The following PARD3 variants were observed in gnomAD, a reference collection of about 807,000 sequenced individuals.
The protein encoded by PARD3 is partitioning defective 3 homolog.
In PARD3, 75 loss-of-function variants were observed where a neutral mutation model predicts 155.4. That is an observed-to-expected ratio of 0.48 (90% CI 0.40 to 0.58). The LOEUF (loss-of-function observed/expected upper bound fraction) is 0.58. PARD3 is among the 20% of genes least tolerant of loss of function. PARD3 has a pLI of 0.00. For missense variants in PARD3, 1,642 were observed against 1,721.7 expected, an observed-to-expected ratio of 0.95 and a Z score of 0.82; for synonymous variants, 576 against 610.5, an observed-to-expected ratio of 0.94 and a Z score of 0.83.
intron 12 of PARD3, among the ~76,000 whole-genome samples, chr10:34,366,943 T>C (rs1180588082): frequency 6.6e-6 from 1 of 152,232 alleles, no homozygotes; most frequent in Non-Finnish European, 1.5e-5. Context: ...TCAAATGTCA[T>C]ATCTGGCTTT....
At chr10:34,588,823 G>A (rs2088360048) in intron 2 of PARD3, among the ~76,000 whole-genome samples, 1 of 152,198 alleles carries the variant, frequency 6.6e-6, no homozygotes, top group African/African-American at 2.4e-5. Flanking sequence ...TGGAGAACAT[G>A]CTAGAAATGC....
intron 22 of PARD3, among the ~76,000 whole-genome samples, chr10:34,229,485 G>A (rs1952799870): frequency 6.6e-6 from 1 of 152,010 alleles, no homozygotes; most frequent in South Asian, 2.1e-4. Flanking sequence ...CTGACATTGA[G>A]TGATTCTCCT....
chr10:34,581,704 C>A (rs2087504450), intron 2 of PARD3, among the ~76,000 whole-genome samples: 1 of 152,084 alleles, frequency 6.6e-6, no homozygotes. Context: ...AAATCTAGAA[C>A]CAAAATCCAA....
chr10:34,224,171 A>G (rs1952464749), intron 22 of PARD3, among the ~76,000 whole-genome samples: 1 of 152,220 alleles, frequency 6.6e-6, no homozygotes, highest in South Asian at 2.1e-4. Flanking sequence ...TCAAAACAAC[A>G]AACTTTAAGA....
At chr10:34,568,000 G>A (rs2086095269) in intron 2 of PARD3, among the ~76,000 whole-genome samples, 1 of 150,516 alleles carries the variant, frequency 6.6e-6, no homozygotes, top group Non-Finnish European at 1.5e-5. Flanking sequence ...CTCATGGGCA[G>A]GTTAAGGAAC....
rs78307435 is a variant in PARD3 at position 34,642,349 on chromosome 10, A to G, written c.222+53969T>C. 8.0e-3 allele frequency among the ~76,000 whole-genome samples: 1,212 copies of G among 152,046 alleles called. 15 individuals are homozygous for G. The highest frequency in any genetic ancestry group is 0.028 in the African/African-American group (1,161 of 41,462). ...TCTTTTGCTTTCTACACCCTCTCAAATGAAAGCCCGCCCTTGACCCTCCTC... is the reference window on the plus strand; with the variant it reads ...TCTTTTGCTTTCTACACCCTCTCAAGTGAAAGCCCGCCCTTGACCCTCCTC... On this transcript the variant is annotated intron_variant, in intron 2 of 24. Transcript: ENST00000374788.
intron 14 of PARD3, among the ~76,000 whole-genome samples, chr10:34,356,317 T>C (rs1289192584): frequency 6.6e-6 from 1 of 152,192 alleles, no homozygotes; most frequent in Non-Finnish European, 1.5e-5. Context: ...TTTGGCAAGC[T>C]GAGGCCAGGA....
chr10:34,265,813 G>C (rs771524244), intron 22 of PARD3, among the ~76,000 whole-genome samples: 1 of 152,166 alleles, frequency 6.6e-6, no homozygotes, highest in South Asian at 2.1e-4. Context: ...CAACAGAAGC[G>C]GGCTGAACTT....
chr10:34,462,232 G>A (rs1383839713), intron 4 of PARD3, among the ~76,000 whole-genome samples: 3 of 152,168 alleles, frequency 2.0e-5, no homozygotes, highest in African/African-American at 7.2e-5. Context: ...GAGAGCTACA[G>A]GTCTGTCACA....
chr10:34,115,253 GA>G (rs1276778954), intron 24 of PARD3, among the ~76,000 whole-genome samples: 1 of 152,100 alleles, frequency 6.6e-6, no homozygotes, highest in Non-Finnish European at 1.5e-5. Flanking sequence ...GGCTTTCGAG[GA>G]AGTCAGACCA....
intron 1 of PARD3, among the ~76,000 whole-genome samples, chr10:34,813,054 G>A (rs1443986589): frequency 1.3e-5 from 2 of 152,176 alleles, no homozygotes; most frequent in Non-Finnish European, 1.5e-5. Flanking sequence ...TCCCTTAGAT[G>A]TCCAGCACCC....
rs1243405590 is a variant in PARD3 at position 34,537,644 on chromosome 10, A to G, written c.223-20485T>C. 3.9e-5 allele frequency among the ~76,000 whole-genome samples: 6 copies of G among 152,338 alleles called. 1 individual carries two copies. The highest frequency in any genetic ancestry group is 3.3e-4 in the Admixed American group (5 of 15,304). On this transcript the variant is annotated intron_variant, in intron 2 of 24. Coordinates refer to ENST00000374788, the MANE Select transcript of PARD3 (RefSeq NM_001184785.2). ...TGGAAGCCACTCTGACAATAAAATC[A>G]CTTTCATACACCAGTCCCCACAGAC... is the stretch of plus-strand genomic sequence containing the variant.
intron 2 of PARD3, among the ~76,000 whole-genome samples, chr10:34,536,208 A>G (rs1291563377): frequency 6.6e-6 from 1 of 152,222 alleles, no homozygotes; most frequent in Non-Finnish European, 1.5e-5. Flanking sequence ...TATAACAAAA[A>G]AAAAATTTTT....
At chr10:34,608,444 GCT>G (rs1227032093) in intron 2 of PARD3, among the ~76,000 whole-genome samples, 1 of 151,780 alleles carries the variant, frequency 6.6e-6, no homozygotes, top group Non-Finnish European at 1.5e-5. Flanking sequence ...ACCACAATCA[GCT>G]CTCTGTATCC....
chr10:34,658,278 A>G (rs982365877), intron 2 of PARD3, among the ~76,000 whole-genome samples: 1 of 152,246 alleles, frequency 6.6e-6, no homozygotes, highest in Non-Finnish European at 1.5e-5. Context: ...TTAAATTACA[A>G]TATTCCTTAG....
At chr10:34,687,844 A>AGCTTT (rs2093976394) in intron 2 of PARD3, among the ~76,000 whole-genome samples, 1 of 57,362 alleles carries the variant, frequency 1.7e-5, no homozygotes, top group Non-Finnish European at 4.0e-5. Flanking sequence ...TACACCTGAA[A>AGCTTT]TCTTTTTTTT....
At chr10:34,586,879 G>A (rs2088110770) in intron 2 of PARD3, among the ~76,000 whole-genome samples, 1 of 152,120 alleles carries the variant, frequency 6.6e-6, no homozygotes, top group Non-Finnish European at 1.5e-5. Flanking sequence ...AACCCAGGAG[G>A]CAGAGGTTGC....
intron 2 of PARD3, among the ~76,000 whole-genome samples, chr10:34,562,183 T>C (rs2384227): frequency 0.5 from 67,271 of 134,050 alleles, 16,694 homozygotes; most frequent in African/African-American, 0.66. Flanking sequence ...ATGCCTATAA[T>C]CCCGGCACTT....
intron 1 of PARD3, among the ~76,000 whole-genome samples, chr10:34,801,426 C>A (rs1373902940): frequency 6.6e-6 from 1 of 152,080 alleles, no homozygotes; most frequent in African/African-American, 2.4e-5. Context: ...GGAAAACAAC[C>A]CCTTCAATAC....
Sources: gnomAD v4.1 joint callset for allele counts (sites outside exome capture counted in the v4.1 genomes callset) on GRCh38, gnomAD v4.1.1 for gene constraint, MANE v1.5 for transcripts, NCBI Gene and HGNC (gene_info 2026-07-23, HGNC 2026-07-21) for gene names.